INSL6: variants seen among roughly 807,000 people sequenced by gnomAD.
The protein encoded by INSL6 is insulin-like peptide INSL6.
INSL6 carries 16 observed loss-of-function variants against 9.4 expected under a neutral mutation model. The observed-to-expected ratio is 1.70, with a 90% CI of 1.15 to 2.59. INSL6 has a LOEUF of 2.59. INSL6 is among the 30% of genes most tolerant of loss of function. The pLI is 0.00. For synonymous variants in INSL6, 154 were observed against 96.9 expected, an observed-to-expected ratio of 1.59 and a Z score of -3.46; for missense variants, 391 against 257.3, an observed-to-expected ratio of 1.52 and a Z score of -3.56.
chr9:5,087,123 T>C, the INSL6 span, among the ~76,000 whole-genome samples: 1 of 152,252 alleles, frequency 6.6e-6, no homozygotes, highest in Non-Finnish European at 1.5e-5. Flanking sequence ...CTGGTTGTAT[T>C]AGTCTGTTCT....
chr9:5,161,869 C>A (rs1430396526), downstream of INSL6, among the ~76,000 whole-genome samples: 1 of 151,938 alleles, frequency 6.6e-6, no homozygotes, highest in Non-Finnish European at 1.5e-5. Flanking sequence ...CACTTGAGGC[C>A]AGGAGCCCGG....
At chr9:5,033,371 A>G in the INSL6 span, among the ~76,000 whole-genome samples, 3,431 of 152,314 alleles carry the variant, frequency 0.023, 117 homozygotes, top group African/African-American at 0.076. Context: ...AAACATTCAA[A>G]TTCAGGAAAT....
chr9:5,018,220 A>G, the INSL6 span, among the ~76,000 whole-genome samples: 631 of 152,136 alleles, frequency 4.1e-3, 7 homozygotes, highest in African/African-American at 0.014. Flanking sequence ...TTGGTTTTCT[A>G]TAGTGATAAC....
intron 2 of INSL6, among the ~76,000 whole-genome samples, chr9:5,147,609 A>C (rs988374248): frequency 6.6e-6 from 1 of 152,194 alleles, no homozygotes; most frequent in African/African-American, 2.4e-5. Flanking sequence ...CAATCTCTCT[A>C]ATGAGACTGG....
the INSL6 span, among the ~76,000 whole-genome samples, chr9:5,021,735 TC>T: frequency 6.6e-6 from 1 of 152,172 alleles, no homozygotes; most frequent in African/African-American, 2.4e-5. Flanking sequence ...AAGCAATTCT[TC>T]CGCTCCACTC....
chr9:5,041,275 C>G, the INSL6 span: 1 of 1,150,584 alleles, frequency 8.7e-7, no homozygotes, highest in East Asian at 2.4e-5. Flanking sequence ...TCGGGCTGGC[C>G]AAGGGGTACA....
the INSL6 span, among the ~76,000 whole-genome samples, chr9:5,062,082 T>G: frequency 8.7e-3 from 1,330 of 152,246 alleles, 13 homozygotes; most frequent in Non-Finnish European, 0.015. Flanking sequence ...CAATTACAGT[T>G]GACCCTTGGA....
chr9:5,072,212 T>A, the INSL6 span, among the ~76,000 whole-genome samples: 1 of 152,156 alleles, frequency 6.6e-6, no homozygotes, highest in Admixed American at 6.5e-5. Flanking sequence ...AAACACTGAC[T>A]CTATTTTTAA....
At chr9:5,182,134 T>C (rs1054719570) in intron 1 of INSL6, among the ~76,000 whole-genome samples, 5 of 152,178 alleles carry the variant, frequency 3.3e-5, no homozygotes, top group Non-Finnish European at 7.4e-5. Flanking sequence ...CAGTGTTATC[T>C]GTAGTGGTAG....
At chr9:5,085,991 T>C in the INSL6 span, 14 of 937,504 alleles carry the variant, frequency 1.5e-5, no homozygotes, top group Non-Finnish European at 2.5e-5. Context: ...TGTACGGGGT[T>C]GTGTGATGAA....
chr9:5,100,844 A>G, the INSL6 span: 2 of 152,280 alleles, frequency 1.3e-5, no homozygotes, highest in African/African-American at 4.8e-5. Flanking sequence ...ACAGGCTTTC[A>G]TGGATTTCAT....
At chr9:5,029,246 G>A in the INSL6 span, among the ~76,000 whole-genome samples, 4 of 152,128 alleles carry the variant, frequency 2.6e-5, no homozygotes, top group Admixed American at 2.6e-4. Flanking sequence ...GAGAGGGAGA[G>A]ACACAGGAAT....
the INSL6 span, among the ~76,000 whole-genome samples, chr9:5,076,114 C>A: frequency 1.3e-5 from 2 of 152,098 alleles, no homozygotes; most frequent in Non-Finnish European, 2.9e-5. Flanking sequence ...GGAGGAGTTG[C>A]TTCTTATGGA....
At chr9:5,054,444 A>T in the INSL6 span, 1 of 748,850 alleles carries the variant, frequency 1.3e-6, no homozygotes. The surrounding 1 kb of genome is among the most constrained non-coding windows in gnomAD (Gnocchi z 4.9). Context: ...CCACTTGGCC[A>T]CTGTGTTGTA....
chr9:5,001,855 G>T, the INSL6 span, among the ~76,000 whole-genome samples: 3 of 151,934 alleles, frequency 2.0e-5, no homozygotes, highest in Non-Finnish European at 4.4e-5. Flanking sequence ...TTATTGAAGA[G>T]ATATGATACT....
At chr9:5,041,961 G>T in the INSL6 span, 2 of 375,278 alleles carry the variant, frequency 5.3e-6, no homozygotes, top group Non-Finnish European at 1.0e-5. Flanking sequence ...TTCTCCGTGC[G>T]GCCCCTTGGG....
the INSL6 span, among the ~76,000 whole-genome samples, chr9:5,034,243 A>G: frequency 3.3e-5 from 5 of 152,198 alleles, 1 homozygote; most frequent in African/African-American, 1.2e-4. Flanking sequence ...TCATAAAGCA[A>G]GTCCTTAGAG....
At chr9:5,126,250 T>C (rs1273950702) in intron 3 of INSL6, 1 of 906,802 alleles carries the variant, frequency 1.1e-6, no homozygotes, top group Non-Finnish European at 1.7e-6. Flanking sequence ...TACTAAATTT[T>C]TTCCCATTGA....
At chr9:5,078,334 T>C in the INSL6 span, 1 of 1,612,634 alleles carries the variant, frequency 6.2e-7, no homozygotes, top group African/African-American at 1.3e-5. Context: ...CATGGGAATG[T>C]ATGTGCCAAA....
Sources: allele counts gnomAD v4.1 joint callset (sites outside exome capture counted in the v4.1 genomes callset), GRCh38; gene constraint gnomAD v4.1.1; non-coding constraint Gnocchi (gnomAD v3.1); transcripts MANE v1.5; gene names NCBI Gene and HGNC (gene_info 2026-07-23, HGNC 2026-07-21).